MINDY1: variants seen among roughly 807,000 people sequenced by gnomAD.
MINDY1 encodes the protein MINDY lysine 48 deubiquitinase 1.
MINDY1 carries 50 observed loss-of-function variants against 53.6 expected under a neutral mutation model. The ratio of observed to expected loss-of-function variants is 0.93; its 90% CI spans 0.74 to 1.18. The LOEUF is 1.18. MINDY1 is among the 50% of genes most tolerant of loss of function. MINDY1 has a pLI of 0.00. For missense variants in MINDY1, 484 were observed against 578.6 expected, an observed-to-expected ratio of 0.84 and a Z score of 1.68; for synonymous variants, 231 against 234.7, an observed-to-expected ratio of 0.98 and a Z score of 0.14.
intron 9 of MINDY1, 31 bp downstream of exon 9, chr1:150,997,593 C>T (rs587770895): frequency 3.7e-6 from 6 of 1,603,736 alleles, no homozygotes; most frequent in Middle Eastern, 1.7e-4. Flanking sequence ...AGGTGGAAAC[C>T]GGGAGTGTGG....
chr1:150,998,560 G>T (rs1672139481), intron 7 of MINDY1, among the ~76,000 whole-genome samples: 1 of 152,192 alleles, frequency 6.6e-6, no homozygotes, highest in Non-Finnish European at 1.5e-5. Context: ...GTTTCACCGT[G>T]TTAGCCAGGA....
intron 4 of MINDY1, 112 bp from the exon 5 acceptor site, chr1:151,000,727 C>G: frequency 8.7e-7 from 1 of 1,155,078 alleles, no homozygotes; most frequent in South Asian, 1.6e-5. Flanking sequence ...GATTCTCTTA[C>G]AAGCCACTCC....
Position 150,999,824 on chromosome 1 carries a change from C to G in MINDY1, c.838+38G>C. ...AAATAAGCCTAAGTAGCTGTCATTC[C>G]CTCCACATACTATCCATGAGAAGGG... is the stretch of plus-strand genomic sequence containing the variant. On this transcript the variant is annotated intron_variant, in intron 6 of 9. Coordinates refer to ENST00000683666, the MANE Select transcript of MINDY1 (RefSeq NM_001376665.1). This position sits in a 1 kb window ranked among gnomAD's most constrained non-coding sequence, Gnocchi z 4.4. The G allele has an allele frequency of 6.4e-7, 1 of 1,559,494 alleles. No individual in the cohort carries two copies. Among genetic ancestry groups the G allele is most frequent in the Non-Finnish European group, 8.8e-7 (1 of 1,131,868 alleles).
chr1:151,007,385 T>C (rs1673342490), upstream of MINDY1, among the ~76,000 whole-genome samples: 1 of 152,182 alleles, frequency 6.6e-6, no homozygotes, highest in African/African-American at 2.4e-5. Flanking sequence ...ATGCCTGTAG[T>C]CCCAGCTACT....
chr1:151,007,661 A>C (rs186072109), upstream of MINDY1, among the ~76,000 whole-genome samples: 251 of 152,274 alleles, frequency 1.6e-3, no homozygotes, highest in Non-Finnish European at 2.9e-3. Flanking sequence ...GACGGTAGGA[A>C]ATAAAGGGAT....
At chr1:151,005,469 A>G (rs1324094177) in intron 1 of MINDY1, among the ~76,000 whole-genome samples, 1 of 151,602 alleles carries the variant, frequency 6.6e-6, no homozygotes, top group East Asian at 1.9e-4. Flanking sequence ...AAAAAAAGAA[A>G]AAAAGAAAAA....
chr1:151,003,772 T>C lies in MINDY1; in HGVS notation c.-89-1066A>G, dbSNP rs1043370291. 9.9e-5 allele frequency among the ~76,000 whole-genome samples: 15 copies of C among 152,040 alleles called. No homozygotes were observed. In the South Asian group the frequency reaches 2.9e-3, roughly 29 times the overall value. On this transcript the variant is annotated intron_variant, in intron 1 of 9. Transcript: ENST00000683666. The stretch of plus-strand genomic sequence containing the variant: ...CAACTTTTCCTCAGTTCATTTTTTT[T>C]CCCCAGAAACTACCTAAACCCAGAG...
At chr1:151,004,750 AT>A (rs1672971322) in intron 1 of MINDY1, among the ~76,000 whole-genome samples, 1 of 142,844 alleles carries the variant, frequency 7.0e-6, no homozygotes, top group East Asian at 2.0e-4. Context: ...ATAAAATAAA[AT>A]AAAATAAAAT....
Position 151,002,329 on chromosome 1 carries a change from G to T in MINDY1, c.289C>A (p.Pro97Thr), listed in dbSNP as rs1182686580. 2.5e-6 allele frequency: 4 copies of T among 1,614,194 alleles called. No homozygotes were observed. Among genetic ancestry groups the T allele is most frequent in the Non-Finnish European group, 3.4e-6 (4 of 1,180,030 alleles). Residue 97 changes from proline (P) to threonine (T), a missense_variant, in exon 2 of 10, where the codon CCC becomes ACC. Physicochemically the swap from Pro to Thr is conservative, Grantham distance 38. Transcript: ENST00000683666. The surrounding 1 kb of genome is among the most constrained non-coding windows in gnomAD (Gnocchi z 4.1). ...CTGGGGGACTGAGGAAGCTCCTGGG[G>T]CATGGAGCATGCCCTTATTGTCTCT... Reference protein sequence around the residue: ...EVETIRACSMPQELPQSPRTR... With the variant: ...EVETIRACSMTQELPQSPRTR...
At chr1:151,008,387 A>G, upstream of MINDY1, 1 of 1,199,196 alleles carries the variant, frequency 8.3e-7, no homozygotes, top group Non-Finnish European at 1.1e-6. Flanking sequence ...ACGTCCCAGG[A>G]GCCTCTGGGC....
In MINDY1 at chr1:151,006,372, G is replaced by A. The variant is rs587613166; in HGVS notation, c.-150C>T. The A allele has an allele frequency of 2.9e-6, 4 of 1,385,362 alleles. No individual in the cohort carries two copies. Among genetic ancestry groups the A allele is most frequent in the African/African-American group, 2.9e-5 (2 of 68,654 alleles). The allele number at this position is 1,385,362 out of a possible 1,614,324, so 85.8% of individuals were successfully genotyped here. ...GAGGGTTCAGCCGTGGCAATGAGAT[G>A]GGGGAGATAGGTGCAATGAAGGGGG... On this transcript the variant is annotated 5_prime_UTR_variant, in exon 1 of 10. Coordinates refer to ENST00000683666, the MANE Select transcript of MINDY1 (RefSeq NM_001376665.1).
Position 151,002,708 on chromosome 1 carries a change from T to C in MINDY1, c.-89-2A>G. The C allele has an allele frequency of 6.3e-7, 1 of 1,585,004 alleles. No homozygotes were observed. The highest frequency in any genetic ancestry group is 8.6e-7 in the Non-Finnish European group (1 of 1,165,452). Reference sequence around the variant, plus strand: ...AGGCTTGGGATGCAAAAGAGTGACCTGTCCAATAAGAAGGAAATCAGTGGG... The same window carrying C: ...AGGCTTGGGATGCAAAAGAGTGACCCGTCCAATAAGAAGGAAATCAGTGGG... On this transcript the variant is annotated splice_acceptor_variant, in intron 1 of 9. Transcript: ENST00000683666. LOFTEE classifies it low-confidence loss of function (5UTR_SPLICE). This position sits in a 1 kb window ranked among gnomAD's most constrained non-coding sequence, Gnocchi z 4.1.
chr1:150,999,618 C>T lies in MINDY1; in HGVS notation c.839-107G>A. On this transcript the variant is annotated intron_variant, in intron 6 of 9. Coordinates refer to ENST00000683666, the MANE Select transcript of MINDY1 (RefSeq NM_001376665.1). The surrounding 1 kb of genome is among the most constrained non-coding windows in gnomAD (Gnocchi z 4.4). ...CAAAAGCCCCGGGGGGTCAGTCCCA[C>T]CTTCTGACGTCCCTTTCTTGAAACC... is the stretch of plus-strand genomic sequence containing the variant. 7.1e-7 allele frequency: 1 copy of T among 1,412,260 alleles called. No individual in the cohort carries two copies. Among genetic ancestry groups the T allele is most frequent in the Non-Finnish European group, 9.7e-7 (1 of 1,034,818 alleles). 87.5% of individuals were successfully genotyped at this position (1,412,260 alleles called of 1,614,324 possible).
At position 151,006,434 on chromosome 1, in the gene MINDY1, G is replaced by C; in HGVS notation, c.-212C>G. The C allele has an allele frequency of 3.9e-6, 5 of 1,286,866 alleles. No individual in the cohort carries two copies. The highest frequency in any genetic ancestry group is 5.0e-6 in the Non-Finnish European group (5 of 1,008,678). 79.7% of individuals were successfully genotyped at this position (1,286,866 alleles called of 1,614,324 possible). On this transcript the variant is annotated 5_prime_UTR_variant, in exon 1 of 10. Transcript: ENST00000683666. ...AGCTGCCTTCCAGCTGTCAACGCCT[G>C]AGCTTATACAGGTTTACACAGCTTT...
chr1:151,002,756 A>G lies in MINDY1; in HGVS notation c.-89-50T>C, dbSNP rs1354215746. On this transcript the variant is annotated intron_variant, in intron 1 of 9. Transcript: ENST00000683666. The surrounding 1 kb of genome is among the most constrained non-coding windows in gnomAD (Gnocchi z 4.1). ...GGGCTGGAAAGCAAACTAACCCAGA[A>G]AAGTCTTGGAAAAGGAATGTAGTGT... The G allele has an allele frequency of 3.3e-6, 5 of 1,502,402 alleles. No homozygotes were observed. The highest frequency in any genetic ancestry group is 4.4e-6 in the Non-Finnish European group (5 of 1,123,956). 93.1% of individuals were successfully genotyped at this position (1,502,402 alleles called of 1,614,324 possible). A position where few individuals can be genotyped will look rare whatever the true frequency, so the allele number is the denominator to read the frequency against.
intron 1 of MINDY1, among the ~76,000 whole-genome samples, chr1:151,004,746 TAAAATA>T (rs1257013526): frequency 2.1e-4 from 3 of 14,498 alleles, no homozygotes; most frequent in African/African-American, 6.0e-4. Context: ...TAAAATAAAA[TAAAATA>T]AAATAAAATA....
In MINDY1 at chr1:150,999,362, G is replaced by T. The variant is rs754819337; in HGVS notation, c.981+7C>A. ...ACCGCAGCACGCCACCCCCAAACTC[G>T]CATTACCTTATGCTTAGTCATGGTG... On this transcript the variant is annotated splice_region_variant and intron_variant, in intron 7 of 9. Coordinates refer to ENST00000683666, the MANE Select transcript of MINDY1 (RefSeq NM_001376665.1). This position sits in a 1 kb window ranked among gnomAD's most constrained non-coding sequence, Gnocchi z 4.4. 4 of 1,613,760 alleles carry T rather than the reference G, an allele frequency of 2.5e-6. No individual in the cohort carries two copies. The highest frequency in any genetic ancestry group is 1.7e-5 in the Admixed American group (1 of 59,976).
intron 1 of MINDY1, among the ~76,000 whole-genome samples, chr1:151,004,111 T>G (rs587676201): frequency 1.7e-3 from 262 of 152,014 alleles, no homozygotes; most frequent in African/African-American, 6.1e-3. Flanking sequence ...TTAGTAGAGA[T>G]GGAGTTTCTC....
At position 151,002,577 on chromosome 1, in the gene MINDY1, G is replaced by T. The variant is rs1383198563; in HGVS notation, c.41C>A (p.Ala14Asp). The T allele has an allele frequency of 6.2e-7, 1 of 1,614,232 alleles. No homozygotes were observed. ...AGGGATGACTGCTTCTGCAGTCCCG[G>T]CCTTACCAGGGGCTGGATCCTCAGG... Reference protein sequence around the residue: ...HQPEDPAPGKAGTAEAVIPEN... With the variant: ...HQPEDPAPGKDGTAEAVIPEN... Residue 14 changes from alanine (A) to aspartate (D), a missense_variant, in exon 2 of 10, where the codon GCC becomes GAC. Physicochemically the swap from Ala to Asp is moderately radical, Grantham distance 126 (BLOSUM62 -2). Transcript: ENST00000683666. This position sits in a 1 kb window ranked among gnomAD's most constrained non-coding sequence, Gnocchi z 4.1.
Sources: gnomAD v4.1 joint callset for allele counts (sites outside exome capture counted in the v4.1 genomes callset) on GRCh38, gnomAD v4.1.1 for gene constraint, Gnocchi (gnomAD v3.1) non-coding constraint, MANE v1.5 for transcripts, NCBI Gene and HGNC (gene_info 2026-07-23, HGNC 2026-07-21) for gene names.